The following TGFA variants were observed in gnomAD, a reference collection of about 807,000 sequenced individuals.
The protein encoded by TGFA is transforming growth factor alpha.
TGFA carries 12 observed loss-of-function variants against 21.7 expected under a neutral mutation model. The ratio of observed to expected loss-of-function variants is 0.55; its 90% CI spans 0.35 to 0.90. The LOEUF (loss-of-function observed/expected upper bound fraction) is 0.90. Among genes scored for constraint, TGFA ranks in the 40% least tolerant of loss-of-function variants. TGFA has a pLI of 0.01. For synonymous variants in TGFA, 79 were observed against 88.1 expected, an observed-to-expected ratio of 0.90 and a Z score of 0.58; for missense variants, 178 against 210.8, an observed-to-expected ratio of 0.84 and a Z score of 0.96.
chr2:70,464,540 A>G (rs1437523689), intron 3 of TGFA, among the ~76,000 whole-genome samples: 4 of 152,134 alleles, frequency 2.6e-5, no homozygotes, highest in Non-Finnish European at 5.9e-5. Flanking sequence ...TAGTAGTGCT[A>G]TTGGCATCTA....
chr2:70,502,951 G>A (rs932108409), intron 2 of TGFA, among the ~76,000 whole-genome samples: 4 of 152,144 alleles, frequency 2.6e-5, no homozygotes, highest in Non-Finnish European at 4.4e-5. Context: ...CATTACAGAT[G>A]GGGGACGGAG....
rs75252016 is a variant in TGFA at position 70,512,821 on chromosome 2, C to A, written c.94+2038G>T. Among the ~76,000 whole-genome samples the A allele has an allele frequency of 1.1e-4, 17 of 152,280 alleles. No individual in the cohort carries two copies. The East Asian group carries it at 3.1e-3, about 28-fold the overall frequency. On this transcript the variant is annotated intron_variant, in intron 2 of 5. Coordinates refer to ENST00000295400, the MANE Select transcript of TGFA (RefSeq NM_003236.4). ...GAGGGGGTCAAATAACCAAGAGGACCCCCTTCTCTATGCATGGCAGTGTCA... is the reference window on the plus strand; with the variant it reads ...GAGGGGGTCAAATAACCAAGAGGACACCCTTCTCTATGCATGGCAGTGTCA...
chr2:70,479,849 ATAAAT>A (rs1671057836), intron 2 of TGFA, among the ~76,000 whole-genome samples: 1 of 152,222 alleles, frequency 6.6e-6, no homozygotes, highest in Non-Finnish European at 1.5e-5. Flanking sequence ...TCTTGAAGAC[ATAAAT>A]TAGATTATTC....
intron 1 of TGFA, among the ~76,000 whole-genome samples, chr2:70,522,517 C>A (rs1040259139): frequency 6.6e-6 from 1 of 152,180 alleles, no homozygotes; most frequent in African/African-American, 2.4e-5. Context: ...TCACTGCAAC[C>A]TCCACCTCCC....
At chr2:70,456,246 T>TTGTCTTATTCAGACATCCCAGAAATAA (rs1252057771) in intron 4 of TGFA, 93 bp downstream of exon 4, 139 of 1,438,304 alleles carry the variant, frequency 9.7e-5, no homozygotes, top group Admixed American at 4.4e-5. Context: ...AAATAAGCTG[T>TTGTCTTATTCAGACATCCCAGAAATAA]GCTGAGGTGG....
At chr2:70,539,149 C>A (rs560550607) in intron 1 of TGFA, among the ~76,000 whole-genome samples, 1 of 152,206 alleles carries the variant, frequency 6.6e-6, no homozygotes, top group Non-Finnish European at 1.5e-5. Flanking sequence ...TGCTATTGCA[C>A]ACTTAATAGA....
intron 2 of TGFA, among the ~76,000 whole-genome samples, chr2:70,483,096 T>G (rs569273784): frequency 1.3e-5 from 2 of 152,236 alleles, no homozygotes; most frequent in African/African-American, 2.4e-5. Flanking sequence ...TTTGTCCAAC[T>G]GAATATTTTG....
intron 1 of TGFA, among the ~76,000 whole-genome samples, chr2:70,524,583 A>C (rs1672578914): frequency 6.6e-6 from 1 of 152,238 alleles, no homozygotes. Context: ...GAGGTTGCAG[A>C]GAAGCCGTGC....
At chr2:70,497,120 A>C (rs1186860928) in intron 2 of TGFA, among the ~76,000 whole-genome samples, 1 of 152,228 alleles carries the variant, frequency 6.6e-6, no homozygotes, top group Admixed American at 6.5e-5. Flanking sequence ...GGAAAAAGAA[A>C]GGAGACCAGG....
intron 1 of TGFA, among the ~76,000 whole-genome samples, chr2:70,525,218 C>T (rs1475220980): frequency 6.6e-6 from 1 of 152,160 alleles, no homozygotes; most frequent in East Asian, 1.9e-4. Context: ...TGCACAACAC[C>T]CTGGACACCC....
At chr2:70,462,436 A>T (rs1670432934) in intron 3 of TGFA, among the ~76,000 whole-genome samples, 1 of 152,190 alleles carries the variant, frequency 6.6e-6, no homozygotes, top group African/African-American at 2.4e-5. Flanking sequence ...GCCTAGTGTA[A>T]GCAGAGCAGC....
chr2:70,550,451 TA>T (rs1421339055), intron 1 of TGFA, among the ~76,000 whole-genome samples: 6 of 151,676 alleles, frequency 4.0e-5, no homozygotes, highest in Non-Finnish European at 7.4e-5. Context: ...AAAATTTGCA[TA>T]AAAAATTAAA....
chr2:70,488,870 C>T (rs906357233), intron 2 of TGFA, among the ~76,000 whole-genome samples: 36 of 152,210 alleles, frequency 2.4e-4, no homozygotes, highest in African/African-American at 8.4e-4. Context: ...CATGGAAGTC[C>T]TGCATACAAC....
intron 2 of TGFA, among the ~76,000 whole-genome samples, chr2:70,476,090 A>AAAT: frequency 6.7e-6 from 1 of 149,858 alleles, no homozygotes; most frequent in East Asian, 1.9e-4. Context: ...CAAAAAAAAA[A>AAAT]AAAAAAAAAA....
At chr2:70,494,336 T>C (rs1349700852) in intron 2 of TGFA, among the ~76,000 whole-genome samples, 1 of 152,230 alleles carries the variant, frequency 6.6e-6, no homozygotes, top group Non-Finnish European at 1.5e-5. Flanking sequence ...CTGGAGAATA[T>C]GAGTTGGACA....
At chr2:70,460,339 C>G (rs1376196907) in intron 3 of TGFA, among the ~76,000 whole-genome samples, 1 of 151,074 alleles carries the variant, frequency 6.6e-6, no homozygotes, top group African/African-American at 2.4e-5. Flanking sequence ...CTCAGCTGCT[C>G]TTTATGACGG....
At chr2:70,532,859 C>A (rs1672854198) in intron 1 of TGFA, among the ~76,000 whole-genome samples, 1 of 94,160 alleles carries the variant, frequency 1.1e-5, no homozygotes, top group Non-Finnish European at 2.1e-5. Flanking sequence ...AGTGTATATT[C>A]TTTTTCTTTT....
chr2:70,489,255 G>C (rs899502581), intron 2 of TGFA, among the ~76,000 whole-genome samples: 1 of 152,242 alleles, frequency 6.6e-6, no homozygotes, highest in Non-Finnish European at 1.5e-5. Context: ...AAAGGTGGGC[G>C]TTGGAATGCT....
intron 2 of TGFA, among the ~76,000 whole-genome samples, chr2:70,483,341 G>A (rs1394695028): frequency 6.6e-6 from 1 of 152,152 alleles, no homozygotes; most frequent in Admixed American, 6.5e-5. Context: ...AGTCAGAAAT[G>A]TATTTGTCTT....
Sources: gnomAD v4.1 joint callset for allele counts (sites outside exome capture counted in the v4.1 genomes callset) on GRCh38, gnomAD v4.1.1 for gene constraint, MANE v1.5 for transcripts, NCBI Gene and HGNC (gene_info 2026-07-23, HGNC 2026-07-21) for gene names.